Variants in VPS13A observed in about 807,000 individuals in gnomAD.
VPS13A encodes the protein vacuolar protein sorting 13 homolog A.
In VPS13A, 264 loss-of-function variants were observed where a neutral mutation model predicts 390.9. The observed-to-expected ratio is 0.68, with a 90% confidence interval of 0.61 to 0.75. VPS13A has a LOEUF of 0.75. Among genes scored for constraint, VPS13A ranks in the 30% least tolerant of loss-of-function variants. VPS13A has a pLI of 0.00. For synonymous variants in VPS13A, 1,231 were observed against 1,227.1 expected (o/e 1.00, Z -0.07); for missense variants, 3,409 against 3,733.9 (o/e 0.91, Z 2.27).
In VPS13A at chr9:77,399,182, A is replaced by T. The variant is rs1563990804; in HGVS notation, c.9190-4054A>T. 1.4e-4 allele frequency among the ~76,000 whole-genome samples: 9 copies of T among 66,648 alleles called. No individual in the cohort carries two copies. The South Asian group carries it at 1.6e-3, about 12-fold the overall frequency. 43.7% of individuals were successfully genotyped at this position (66,648 alleles called of 152,430 possible). ...TAGAGTATAATAAAAAAAAAAAAAT[A>T]AAAAAAAAAAAAAAAAAAAAAAACA... On this transcript the variant is annotated intron_variant, in intron 68 of 71. Transcript: ENST00000360280.
intron 68 of VPS13A, among the ~76,000 whole-genome samples, chr9:77,399,953 A>C (rs56074928): frequency 4.6e-5 from 7 of 151,886 alleles, no homozygotes; most frequent in African/African-American, 7.3e-5. Flanking sequence ...ACATCTCTCT[A>C]TGTCAGTATG....
At chr9:77,355,583 T>C (rs1831728853) in intron 54 of VPS13A, among the ~76,000 whole-genome samples, 1 of 152,220 alleles carries the variant, frequency 6.6e-6, no homozygotes, top group Non-Finnish European at 1.5e-5. Context: ...TATATCCAAC[T>C]GTGCATGCAA....
At chr9:77,325,955 A>G in intron 45 of VPS13A, among the ~76,000 whole-genome samples, 1 of 152,256 alleles carries the variant, frequency 6.6e-6, no homozygotes, top group East Asian at 1.9e-4. Flanking sequence ...GTAATCTCAC[A>G]GTGTGGATCT....
Position 77,353,617 on chromosome 9 carries a change from A to G in VPS13A, c.7628A>G (p.Glu2543Gly), listed in dbSNP as rs1831597520. The change falls in exon 54 of 72, where the codon GAA (glutamate) becomes GGA (glycine). Residue 2543 changes from glutamate to glycine, a missense_variant. Physicochemically the swap from Glu to Gly is moderately conservative, Grantham distance 98. Around this residue, in one of 5 missense-constraint regions of VPS13A, gnomAD observed 221 missense variants for 300.7 expected, o/e 0.73. Coordinates refer to ENST00000360280, the MANE Select transcript of VPS13A (RefSeq NM_033305.3). Reference sequence around the variant, plus strand: ...CTTGTCAACAATTACACGAAGCAAGAAGTAGCCTATATAGGCATTACAAGG... The same window carrying G: ...CTTGTCAACAATTACACGAAGCAAGGAGTAGCCTATATAGGCATTACAAGG... ...ISLVNNYTKQ[E>G]VAYIGITSSD... 1.9e-6 allele frequency: 3 copies of G among 1,613,484 alleles called. No individual in the cohort carries two copies. Among genetic ancestry groups the G allele is most frequent in the Non-Finnish European group, 1.7e-6 (2 of 1,179,584 alleles).
intron 50 of VPS13A, chr9:77,340,797 T>C: frequency 2.2e-6 from 1 of 449,452 alleles, no homozygotes; most frequent in East Asian, 4.3e-5. Context: ...CTAACCACTT[T>C]GGTTAAATAA....
intron 68 of VPS13A, among the ~76,000 whole-genome samples, chr9:77,398,881 A>G (rs1469057071): frequency 6.6e-6 from 1 of 151,606 alleles, no homozygotes; most frequent in East Asian, 1.9e-4. Flanking sequence ...CATGGATGAA[A>G]TTGGAAACCA....
intron 17 of VPS13A, among the ~76,000 whole-genome samples, chr9:77,236,035 C>T (rs984225501): frequency 3.9e-5 from 6 of 152,100 alleles, no homozygotes; most frequent in Admixed American, 2.6e-4. Context: ...TTTTTCCCAA[C>T]GTAGACTAAT....
chr9:77,314,719 TACAG>T, intron 37 of VPS13A, 55 bp downstream of exon 37: 1 of 1,556,812 alleles, frequency 6.4e-7, no homozygotes, highest in Middle Eastern at 1.7e-4. Context: ...TGATATATTT[TACAG>T]AATTCATCTC....
chr9:77,280,914 T>C (rs1826981812), intron 27 of VPS13A, among the ~76,000 whole-genome samples: 1 of 152,052 alleles, frequency 6.6e-6, no homozygotes, highest in African/African-American at 2.4e-5. Flanking sequence ...ATAAAGAAAA[T>C]GTGGTATATA....
In VPS13A at chr9:77,226,834, A is replaced by G. The variant is rs556331298; in HGVS notation, c.1357+236A>G. Among the ~76,000 whole-genome samples, 10 of 152,276 alleles carry G rather than the reference A, an allele frequency of 6.6e-5. No homozygotes were observed. The South Asian group carries it at 2.1e-3, about 32-fold the overall frequency. ...AGCTTTATGCCCAGAGATTTAGTGAATGCATATAGCACAGTAATAAATAAA... is the reference window on the plus strand; with the variant it reads ...AGCTTTATGCCCAGAGATTTAGTGAGTGCATATAGCACAGTAATAAATAAA... On this transcript the variant is annotated intron_variant, in intron 15 of 71. Coordinates refer to ENST00000360280, the MANE Select transcript of VPS13A (RefSeq NM_033305.3).
At chr9:77,309,658 T>G (rs66926624) in intron 35 of VPS13A, among the ~76,000 whole-genome samples, 10,694 of 152,242 alleles carry the variant, frequency 0.07, 432 homozygotes, top group South Asian at 0.12. Flanking sequence ...CCAAGTATCT[T>G]AATATTTTCA....
chr9:77,207,190 CTG>C (rs1825683088), intron 5 of VPS13A, among the ~76,000 whole-genome samples: 1 of 101,464 alleles, frequency 9.9e-6, no homozygotes. Context: ...GCTCAAACCT[CTG>C]TGTCTTGATT....
At chr9:77,199,390 A>G (rs1431683117) in intron 1 of VPS13A, among the ~76,000 whole-genome samples, 1 of 152,164 alleles carries the variant, frequency 6.6e-6, no homozygotes, top group Non-Finnish European at 1.5e-5. Flanking sequence ...GTTACATGTA[A>G]CATCCTAATG....
chr9:77,357,016 GT>G, intron 55 of VPS13A, 149 bp downstream of exon 55: 1 of 935,324 alleles, frequency 1.1e-6, no homozygotes, highest in Non-Finnish European at 1.6e-6. Flanking sequence ...TTAAAGAGGT[GT>G]TTATCTATAT....
intron 68 of VPS13A, chr9:77,384,909 T>G: frequency 7.4e-7 from 1 of 1,354,390 alleles, no homozygotes. Context: ...AGATTTGCTT[T>G]TATATATTTT....
intron 23 of VPS13A, among the ~76,000 whole-genome samples, chr9:77,269,425 T>C (rs1826228362): frequency 6.6e-6 from 1 of 152,244 alleles, no homozygotes; most frequent in African/African-American, 2.4e-5. Flanking sequence ...CTTTTGTTGA[T>C]ATCATACTGT....
chr9:77,385,471 C>G (rs1194218774), intron 68 of VPS13A, among the ~76,000 whole-genome samples: 1 of 151,860 alleles, frequency 6.6e-6, no homozygotes, highest in Non-Finnish European at 1.5e-5. Flanking sequence ...TATTTGGAAA[C>G]TTCTATCGTA....
At chr9:77,223,620 A>G (rs1233548840) in intron 13 of VPS13A, among the ~76,000 whole-genome samples, 1 of 152,212 alleles carries the variant, frequency 6.6e-6, no homozygotes, top group South Asian at 2.1e-4. Flanking sequence ...ATTCTCTTCA[A>G]TACTATAAAG....
At chr9:77,185,182 G>A (rs546014192) in intron 1 of VPS13A, among the ~76,000 whole-genome samples, 17 of 150,730 alleles carry the variant, frequency 1.1e-4, no homozygotes, top group Non-Finnish European at 2.2e-4. Context: ...TCGCTCTGTC[G>A]CCAGGCTGGA....
Sources: allele counts gnomAD v4.1 joint callset (sites outside exome capture counted in the v4.1 genomes callset), GRCh38; gene constraint gnomAD v4.1.1; regional missense constraint gnomAD v4.1.1; transcripts MANE v1.5; gene names NCBI Gene and HGNC (gene_info 2026-07-23, HGNC 2026-07-21).